USP6NL: variants seen among roughly 807,000 people sequenced by gnomAD.
USP6NL encodes the protein USP6 N-terminal like.
USP6NL carries 26 observed loss-of-function variants against 61.9 expected under a neutral mutation model. The ratio of observed to expected loss-of-function variants is 0.42; its 90% CI spans 0.31 to 0.58. The LOEUF (loss-of-function observed/expected upper bound fraction) is 0.58. Among genes scored for constraint, USP6NL ranks in the 20% least tolerant of loss-of-function variants. USP6NL has a pLI of 0.16. For synonymous variants in USP6NL, 432 were observed against 390.1 expected (o/e 1.11, Z -1.27); for missense variants, 1,114 against 1,034.3 (o/e 1.08, Z -1.06).
In USP6NL at chr10:11,597,723, C is replaced by A; in HGVS notation, c.-83-6G>T. ...TTCTCAGAGGAATACATGTCCTAGT[C>A]AGGAAACAAAGAGAAAGAAATAGTA... is the stretch of plus-strand genomic sequence containing the variant. On this transcript the variant is annotated splice_polypyrimidine_tract_variant and splice_region_variant and intron_variant, in intron 1 of 14. Coordinates refer to ENST00000609104, the MANE Select transcript of USP6NL (RefSeq NM_014688.5). This position sits in a 1 kb window ranked among gnomAD's most constrained non-coding sequence, Gnocchi z 4.6. 2.0e-6 allele frequency: 2 copies of A among 1,018,394 alleles called. No individual in the cohort carries two copies. The highest frequency in any genetic ancestry group is 3.0e-6 in the Non-Finnish European group (2 of 668,882). The allele number at this position is 1,018,394 out of a possible 1,614,324, so 63.1% of individuals were successfully genotyped here. A position where few individuals can be genotyped will look rare whatever the true frequency, so the allele number is the denominator to read the frequency against.
chr10:11,471,820 C>T (rs1469347508), intron 14 of USP6NL, among the ~76,000 whole-genome samples: 1 of 96,742 alleles, frequency 1.0e-5, no homozygotes, highest in Non-Finnish European at 2.0e-5. Flanking sequence ...ACACCGAGGC[C>T]TGTTGTGGGG....
At chr10:11,480,137 T>G (rs1235736905) in intron 14 of USP6NL, among the ~76,000 whole-genome samples, 1 of 152,204 alleles carries the variant, frequency 6.6e-6, no homozygotes, top group Non-Finnish European at 1.5e-5. Context: ...CATTCTATCA[T>G]TTCCTGGTAA....
rs1833523827 is a variant in USP6NL, at chr10:11,487,584, A to G, written c.664+1518T>C. Among the ~76,000 whole-genome samples, 1 of 152,238 alleles carries G rather than the reference A, an allele frequency of 6.6e-6. No homozygotes were observed. Among genetic ancestry groups the G allele is most frequent in the South Asian group, 2.1e-4 (1 of 4,828 alleles). On this transcript the variant is annotated intron_variant, in intron 10 of 14. Coordinates refer to ENST00000609104, the MANE Select transcript of USP6NL (RefSeq NM_014688.5). The surrounding 1 kb of genome is among the most constrained non-coding windows in gnomAD (Gnocchi z 4.2). ...AGATCAGCAACACAATCCCACGGGA[A>G]AGCAAAATAAAGACTGACAGGGAAG... is the stretch of plus-strand genomic sequence containing the variant.
rs1284609270 is a variant in USP6NL at position 11,511,483 on chromosome 10, C to T, written c.196-1808G>A. ...ACTTTCTCCCCTGACTTCTTCAAAGCATAATCCTTTTTTCCACCAACAGGA... is the reference window on the plus strand; with the variant it reads ...ACTTTCTCCCCTGACTTCTTCAAAGTATAATCCTTTTTTCCACCAACAGGA... On this transcript the variant is annotated intron_variant, in intron 5 of 14. Coordinates refer to ENST00000609104, the MANE Select transcript of USP6NL (RefSeq NM_014688.5). The surrounding 1 kb of genome is among the most constrained non-coding windows in gnomAD (Gnocchi z 4.9). 3.3e-5 allele frequency among the ~76,000 whole-genome samples: 5 copies of T among 152,148 alleles called. No homozygotes were observed. Among genetic ancestry groups the T allele is most frequent in the East Asian group, 1.9e-4 (1 of 5,204 alleles).
In USP6NL at chr10:11,460,654, T is replaced by TATATATAA. The variant is rs879066038; in HGVS notation, c.*1786_*1787insTTATATAT. The TATATATAA allele has an allele frequency of 4.5e-5, 6 of 133,576 alleles. No individual in the cohort carries two copies. The highest frequency in any genetic ancestry group is 9.3e-5 in the African/African-American group (3 of 32,098). 8.3% of individuals were successfully genotyped at this position (133,576 alleles called of 1,614,324 possible). ...ATATATATATATATATATATATATATAAAAATCTACAGTATTTACCACTGT... is the reference window on the plus strand; with the variant it reads ...ATATATATATATATATATATATATATATATATAAAAAAATCTACAGTATTTACCACTGT... On this transcript the variant is annotated 3_prime_UTR_variant, in exon 15 of 15. Coordinates refer to ENST00000609104, the MANE Select transcript of USP6NL (RefSeq NM_014688.5).
intron 2 of USP6NL, among the ~76,000 whole-genome samples, chr10:11,547,621 G>C (rs1021083014): frequency 2.0e-5 from 3 of 149,926 alleles, no homozygotes; most frequent in African/African-American, 7.4e-5. Context: ...CTCACTGCAA[G>C]CTCCGCCTCC....
In USP6NL at chr10:11,490,609, C is replaced by T. The variant is rs978284721; in HGVS notation, c.543+223G>A. On this transcript the variant is annotated intron_variant, in intron 9 of 14. Transcript: ENST00000609104. The surrounding 1 kb of genome is among the most constrained non-coding windows in gnomAD (Gnocchi z 4.5). ...AGGGAGAGAGAAAAGGTGAGACTCA[C>T]TGGCATACTGTGGTCATATTTAGGT... is the stretch of plus-strand genomic sequence containing the variant. 2.0e-5 allele frequency among the ~76,000 whole-genome samples: 3 copies of T among 152,212 alleles called. No individual in the cohort carries two copies. The highest frequency in any genetic ancestry group is 4.4e-5 in the Non-Finnish European group (3 of 68,024).
intron 1 of USP6NL, among the ~76,000 whole-genome samples, chr10:11,608,112 A>G (rs1838766645): frequency 6.6e-6 from 1 of 152,252 alleles, no homozygotes; most frequent in Non-Finnish European, 1.5e-5. Context: ...CTCTTCAAAG[A>G]GAAAATGGAA....
Position 11,600,069 on chromosome 10 carries a change from T to C in USP6NL, c.-83-2352A>G, listed in dbSNP as rs138421853. On this transcript the variant is annotated intron_variant, in intron 1 of 14. Coordinates refer to ENST00000609104, the MANE Select transcript of USP6NL (RefSeq NM_014688.5). This position sits in a 1 kb window ranked among gnomAD's most constrained non-coding sequence, Gnocchi z 4.1. ...ACTCCCTTTCTCCTCCCCTAAATGC[T>C]ACTTTTGCACTAAACATACAGAGGT... Among the ~76,000 whole-genome samples the C allele has an allele frequency of 6.6e-6, 1 of 152,302 alleles. No homozygotes were observed. The highest frequency in any genetic ancestry group is 1.5e-5 in the Non-Finnish European group (1 of 68,026).
At chr10:11,571,408 T>A (rs1197690318) in intron 2 of USP6NL, among the ~76,000 whole-genome samples, 1 of 152,094 alleles carries the variant, frequency 6.6e-6, no homozygotes, top group East Asian at 1.9e-4. Context: ...TTTAACCATA[T>A]CCTTGACTCT....
At chr10:11,551,153 C>T (rs1021452151) in intron 2 of USP6NL, among the ~76,000 whole-genome samples, 1 of 152,130 alleles carries the variant, frequency 6.6e-6, no homozygotes, top group African/African-American at 2.4e-5. Flanking sequence ...GAAACAAAAA[C>T]ATTTATTTAT....
rs546802157 is a variant in USP6NL at position 11,487,367 on chromosome 10, A to T, written c.665-1456T>A. Among the ~76,000 whole-genome samples, 3 of 152,366 alleles carry T rather than the reference A, an allele frequency of 2.0e-5. No homozygotes were observed. The highest frequency in any genetic ancestry group is 6.5e-5 in the Admixed American group (1 of 15,310). On this transcript the variant is annotated intron_variant, in intron 10 of 14. Transcript: ENST00000609104. The surrounding 1 kb of genome is among the most constrained non-coding windows in gnomAD (Gnocchi z 4.2). ...ATCTCTAAGTATAAACTGACCCTTA[A>T]TAATGAGCCAAACTACATTCTAAGT... is the stretch of plus-strand genomic sequence containing the variant.
intron 7 of USP6NL, among the ~76,000 whole-genome samples, chr10:11,498,149 C>G (rs1834023901): frequency 7.1e-6 from 1 of 141,226 alleles, no homozygotes; most frequent in South Asian, 2.3e-4. Context: ...AAGCAGAGAA[C>G]TGCTTGAACC....
At chr10:11,550,059 A>G (rs746734170) in intron 2 of USP6NL, among the ~76,000 whole-genome samples, 7 of 152,264 alleles carry the variant, frequency 4.6e-5, no homozygotes, top group Non-Finnish European at 1.0e-4. Flanking sequence ...ATGGTGCTGA[A>G]ATAACTAGGT....
chr10:11,584,297 A>G (rs989785423), intron 2 of USP6NL, among the ~76,000 whole-genome samples: 7 of 152,260 alleles, frequency 4.6e-5, no homozygotes, highest in Non-Finnish European at 1.0e-4. Flanking sequence ...TAAAAGGTTC[A>G]TAAGTGCACA....
intron 6 of USP6NL, 112 bp downstream of exon 6, chr10:11,509,483 T>C: frequency 2.8e-6 from 3 of 1,082,222 alleles, no homozygotes; most frequent in South Asian, 1.7e-5. Context: ...TAAACCAAAA[T>C]TTCAAAACCA....
At chr10:11,472,644 T>C (rs1413016068) in intron 14 of USP6NL, among the ~76,000 whole-genome samples, 1 of 152,250 alleles carries the variant, frequency 6.6e-6, no homozygotes, top group East Asian at 1.9e-4. Flanking sequence ...ACTTCAAATA[T>C]ACTATCTGAA....
chr10:11,509,637 C>T lies in USP6NL; in HGVS notation c.234G>A (p.Leu78=), dbSNP rs1166992519. 1 of 1,568,300 alleles carries T rather than the reference C, an allele frequency of 6.4e-7. No individual in the cohort carries two copies. The highest frequency in any genetic ancestry group is 8.7e-7 in the Non-Finnish European group (1 of 1,155,392). ...ATTTTTCCCATCCTTTCAGCATTTT[C>T]AGCCATTTGGTAGTTCTTTCAATTT... The part of the protein sequence containing the change: ...HLEIERTTKW[L]KMLKGWEKYK... The change falls in exon 6 of 15, where the codon CTG becomes CTA. Residue 78 remains leucine (L), a synonymous_variant. Transcript: ENST00000609104.
chr10:11,493,099 T>A lies in USP6NL; in HGVS notation c.494+20A>T. ...ATTTATAAATGCGATTAACATTTCA[T>A]AATATTAAACTTTACTCACTTAACA... is the stretch of plus-strand genomic sequence containing the variant. On this transcript the variant is annotated intron_variant, in intron 8 of 14. Transcript: ENST00000609104. 6.4e-7 allele frequency: 1 copy of A among 1,555,022 alleles called. No homozygotes were observed. Among genetic ancestry groups the A allele is most frequent in the Non-Finnish European group, 8.8e-7 (1 of 1,139,028 alleles).
Sources: gnomAD v4.1 joint callset for allele counts (sites outside exome capture counted in the v4.1 genomes callset) on GRCh38, gnomAD v4.1.1 for gene constraint, Gnocchi (gnomAD v3.1) non-coding constraint, MANE v1.5 for transcripts, NCBI Gene and HGNC (gene_info 2026-07-23, HGNC 2026-07-21) for gene names.